NGEF: variants seen among roughly 807,000 people sequenced by gnomAD.
NGEF encodes the protein neuronal guanine nucleotide exchange factor.
In NGEF, 31 loss-of-function variants were observed where a neutral mutation model predicts 80.9. The observed-to-expected ratio is 0.38, with a 90% CI of 0.29 to 0.52. The LOEUF (loss-of-function observed/expected upper bound fraction) is 0.52. Among genes scored for constraint, NGEF ranks in the 20% least tolerant of loss-of-function variants. NGEF has a pLI of 0.84. For synonymous variants in NGEF, 371 were observed against 370.2 expected (o/e 1.00, Z -0.03); for missense variants, 709 against 926.2 (o/e 0.77, Z 3.04).
At chr2:232,995,583 CA>C (rs1428251046) in intron 1 of NGEF, among the ~76,000 whole-genome samples, 1 of 113,838 alleles carries the variant, frequency 8.8e-6, no homozygotes, top group African/African-American at 7.0e-5. Flanking sequence ...TATATATATA[CA>C]GTATGTATAC....
At position 233,000,393 on chromosome 2, in the gene NGEF, A is replaced by G. The variant is rs371319989; in HGVS notation, c.-75+12675T>C. ...ATTGCAGGTGTGAGCCACCGTGCCCAGCCTCTTCCTCTTTTTATGAGGGTA... is the reference window on the plus strand; with the variant it reads ...ATTGCAGGTGTGAGCCACCGTGCCCGGCCTCTTCCTCTTTTTATGAGGGTA... On this transcript the variant is annotated intron_variant, in intron 1 of 14. Coordinates refer to ENST00000264051, the MANE Select transcript of NGEF (RefSeq NM_019850.3). 2.9e-4 allele frequency among the ~76,000 whole-genome samples: 44 copies of G among 151,778 alleles called. No homozygotes were observed. The East Asian group carries it at 7.5e-3, about 26-fold the overall frequency.
chr2:232,995,037 CAGTATGT>C (rs1382697826), intron 1 of NGEF, among the ~76,000 whole-genome samples: 66 of 123,916 alleles, frequency 5.3e-4, no homozygotes, highest in Middle Eastern at 4.0e-3. Flanking sequence ...TATATATGTA[CAGTATGT>C]ATACTGTATA....
chr2:232,902,820 C>G (rs1169200534), intron 5 of NGEF, among the ~76,000 whole-genome samples: 3 of 152,130 alleles, frequency 2.0e-5, no homozygotes, highest in African/African-American at 7.2e-5. Flanking sequence ...TGGTGAAACC[C>G]CGTCTCTACT....
intron 3 of NGEF, among the ~76,000 whole-genome samples, chr2:232,928,578 G>A (rs1193263232): frequency 6.6e-6 from 1 of 152,172 alleles, no homozygotes; most frequent in Non-Finnish European, 1.5e-5. Context: ...CTCGGGGAAT[G>A]TGTCCCCGCT....
intron 1 of NGEF, among the ~76,000 whole-genome samples, chr2:233,011,031 C>G (rs1464858839): frequency 6.6e-6 from 1 of 152,152 alleles, no homozygotes; most frequent in Non-Finnish European, 1.5e-5. Flanking sequence ...GATGGAACCC[C>G]CTGCTCCGCT....
Position 232,892,409 on chromosome 2 carries a change from A to C in NGEF, c.1142+489T>G, listed in dbSNP as rs1298559172. 6.6e-6 allele frequency among the ~76,000 whole-genome samples: 1 copy of C among 152,194 alleles called. No homozygotes were observed. The highest frequency in any genetic ancestry group is 2.4e-5 in the African/African-American group (1 of 41,454). On this transcript the variant is annotated intron_variant, in intron 7 of 14. Transcript: ENST00000264051. This position sits in a 1 kb window ranked among gnomAD's most constrained non-coding sequence, Gnocchi z 4.0. ...GAAGAGGCACGCTGGCTGGAAAATT[A>C]CCTTGTCAACTAAACCTCAGAGAAA...
At chr2:232,912,132 G>C (rs543872752) in intron 5 of NGEF, among the ~76,000 whole-genome samples, 103 of 152,274 alleles carry the variant, frequency 6.8e-4, no homozygotes, top group Middle Eastern at 6.8e-3. Flanking sequence ...TATGATGTTT[G>C]CTATAGGTTT....
intron 3 of NGEF, among the ~76,000 whole-genome samples, chr2:232,927,497 G>A (rs2944590): frequency 0.42 from 63,474 of 152,020 alleles, 13,454 homozygotes; most frequent in Non-Finnish European, 0.45. Flanking sequence ...GCGCCGCTCC[G>A]ACAGCCCGAC....
intron 1 of NGEF, among the ~76,000 whole-genome samples, chr2:233,011,139 C>G (rs1057042083): frequency 1.3e-5 from 2 of 152,096 alleles, no homozygotes; most frequent in Admixed American, 1.3e-4. Flanking sequence ...GGCCTGGCCT[C>G]GGGGGTGTGG....
In NGEF at chr2:232,918,855, C is replaced by T. The variant is rs182284401; in HGVS notation, c.828+1429G>A. Among the ~76,000 whole-genome samples, 314 of 151,800 alleles carry T rather than the reference C, an allele frequency of 2.1e-3. 2 individuals carry two copies. Among genetic ancestry groups the T allele is most frequent in the African/African-American group, 6.9e-3 (284 of 41,382 alleles). ...TCTTGGCCAGGCTGGTCTCGAACTC[C>T]TGAGCTCGTGATCCACCAGCCTCTG... On this transcript the variant is annotated intron_variant, in intron 5 of 14. Coordinates refer to ENST00000264051, the MANE Select transcript of NGEF (RefSeq NM_019850.3).
At chr2:232,889,897 G>A (rs1691820077) in intron 8 of NGEF, among the ~76,000 whole-genome samples, 1 of 152,078 alleles carries the variant, frequency 6.6e-6, no homozygotes, top group Admixed American at 6.6e-5. Context: ...GCTACCTGTG[G>A]CTCCCAGGTC....
chr2:232,948,942 C>T (rs1162747209), intron 3 of NGEF, among the ~76,000 whole-genome samples: 2 of 152,062 alleles, frequency 1.3e-5, no homozygotes, highest in Non-Finnish European at 2.9e-5. Flanking sequence ...CGCTTGAATC[C>T]AGGAGGCAGA....
chr2:232,909,026 C>T (rs1158470198), intron 5 of NGEF, among the ~76,000 whole-genome samples: 2 of 152,148 alleles, frequency 1.3e-5, no homozygotes, highest in South Asian at 2.1e-4. Context: ...TGGTAGATAA[C>T]GGTAGATAAA....
At chr2:232,961,497 A>C (rs561518962) in intron 3 of NGEF, among the ~76,000 whole-genome samples, 1 of 151,930 alleles carries the variant, frequency 6.6e-6, no homozygotes, top group African/African-American at 2.4e-5. Context: ...TTTATTTTTT[A>C]TTTTTTATTT....
At chr2:232,927,835 C>T in intron 3 of NGEF, 1 of 1,163,124 alleles carries the variant, frequency 8.6e-7, no homozygotes, top group Non-Finnish European at 1.1e-6. Flanking sequence ...CGGGCGCAAG[C>T]TGGGAAAGAG....
At chr2:232,883,262 CAGAA>C (rs756262148) in intron 12 of NGEF, 45 bp downstream of exon 12, 28 of 1,539,818 alleles carry the variant, frequency 1.8e-5, no homozygotes, top group African/African-American at 1.5e-4. Context: ...CGAGGCCACA[CAGAA>C]AGGTGCCACG....
intron 3 of NGEF, among the ~76,000 whole-genome samples, chr2:232,967,748 T>C (rs1248606644): frequency 2.0e-5 from 3 of 151,132 alleles, no homozygotes; most frequent in South Asian, 2.1e-4. Flanking sequence ...CAAGGATCAA[T>C]GAGCAAAGCA....
rs560495435 is a variant in NGEF, at chr2:232,922,879, G to A, written c.527-2294C>T. ...GAGGTCAGGAGTTCGAGACCAGCCTGGCCAACATGGCCAAACTCCGTCTCT... is the reference window on the plus strand; with the variant it reads ...GAGGTCAGGAGTTCGAGACCAGCCTAGCCAACATGGCCAAACTCCGTCTCT... On this transcript the variant is annotated intron_variant, in intron 4 of 14. Transcript: ENST00000264051. Among the ~76,000 whole-genome samples, 3 of 152,294 alleles carry A rather than the reference G, an allele frequency of 2.0e-5. No individual in the cohort carries two copies. In the South Asian group the frequency reaches 6.2e-4, roughly 32 times the overall value.
At chr2:232,984,067 T>A (rs1694489083) in intron 1 of NGEF, among the ~76,000 whole-genome samples, 1 of 152,214 alleles carries the variant, frequency 6.6e-6, no homozygotes, top group Admixed American at 6.5e-5. Flanking sequence ...TGCGCTTTCC[T>A]GATGCTGGGA....
Sources: gnomAD v4.1 joint callset for allele counts (sites outside exome capture counted in the v4.1 genomes callset) on GRCh38, gnomAD v4.1.1 for gene constraint, Gnocchi (gnomAD v3.1) non-coding constraint, MANE v1.5 for transcripts, NCBI Gene and HGNC (gene_info 2026-07-23, HGNC 2026-07-21) for gene names.